CNTN4: variants seen among roughly 807,000 people sequenced by gnomAD.
The protein encoded by CNTN4 is contactin-4.
A neutral mutation model predicts 122.5 loss-of-function variants in CNTN4; 77 were observed. That is an observed-to-expected ratio of 0.63 (90% CI 0.52 to 0.76). The LOEUF is 0.76. Ranked by LOEUF, CNTN4 falls within the 30% of genes least tolerant of loss-of-function variation. The pLI is 0.00. For missense variants in CNTN4, 1,256 were observed against 1,259.1 expected (o/e 1.00, Z 0.04); for synonymous variants, 512 against 447.0 (o/e 1.15, Z -1.83).
At chr3:2,714,908 G>C (rs1003540171) in intron 4 of CNTN4, among the ~76,000 whole-genome samples, 2 of 152,068 alleles carry the variant, frequency 1.3e-5, no homozygotes, top group East Asian at 1.9e-4. Context: ...GGCCCAGTTC[G>C]AGAGTATTCA....
intron 14 of CNTN4, among the ~76,000 whole-genome samples, chr3:2,997,169 T>C (rs189526046): frequency 6.6e-6 from 1 of 152,202 alleles, no homozygotes; most frequent in Non-Finnish European, 1.5e-5. Flanking sequence ...TGGCTAATTG[T>C]GTAATAAATA....
chr3:2,494,728 T>C (rs2076409281), intron 3 of CNTN4, among the ~76,000 whole-genome samples: 1 of 152,174 alleles, frequency 6.6e-6, no homozygotes, highest in African/African-American at 2.4e-5. Context: ...TAAAATACTT[T>C]GATTTCTTTC....
chr3:2,403,766 T>A (rs966301685), intron 3 of CNTN4, among the ~76,000 whole-genome samples: 2 of 152,188 alleles, frequency 1.3e-5, no homozygotes, highest in African/African-American at 4.8e-5. Context: ...ATCAAAGATG[T>A]CAAACTTCAG....
intron 3 of CNTN4, among the ~76,000 whole-genome samples, chr3:2,471,805 A>C (rs781058814): frequency 5.9e-5 from 9 of 152,214 alleles, no homozygotes; most frequent in Non-Finnish European, 1.2e-4. Context: ...ACCTTGCCTG[A>C]ATCTTGTATT....
At chr3:2,209,531 G>C (rs979086702) in intron 2 of CNTN4, among the ~76,000 whole-genome samples, 2 of 151,884 alleles carry the variant, frequency 1.3e-5, no homozygotes, top group Admixed American at 1.3e-4. Flanking sequence ...TAACAAAAAA[G>C]GTCCCTGTTT....
intron 2 of CNTN4, among the ~76,000 whole-genome samples, chr3:2,134,073 T>C (rs1380048377): frequency 1.3e-5 from 2 of 152,168 alleles, no homozygotes; most frequent in Non-Finnish European, 2.9e-5. Flanking sequence ...TCTTCACTTA[T>C]TGGAAAAGAC....
chr3:2,919,419 G>A (rs948413139), intron 12 of CNTN4, among the ~76,000 whole-genome samples: 10 of 150,792 alleles, frequency 6.6e-5, no homozygotes, highest in African/African-American at 2.4e-4. Flanking sequence ...TTCTTCAATA[G>A]GTTCATTGAT....
chr3:2,335,363 A>G (rs1266858019), intron 2 of CNTN4, among the ~76,000 whole-genome samples: 1 of 152,096 alleles, frequency 6.6e-6, no homozygotes, highest in Non-Finnish European at 1.5e-5. Context: ...CAGTGTTCTC[A>G]TGGATTACCT....
At chr3:2,820,625 A>G (rs2092842057) in intron 7 of CNTN4, among the ~76,000 whole-genome samples, 1 of 152,082 alleles carries the variant, frequency 6.6e-6, no homozygotes, top group Admixed American at 6.5e-5. Context: ...CTGACAACCA[A>G]TCAAGGGGCC....
intron 4 of CNTN4, among the ~76,000 whole-genome samples, chr3:2,649,848 G>C (rs1842219): frequency 0.019 from 2,891 of 151,904 alleles, 88 homozygotes; most frequent in African/African-American, 0.066. Flanking sequence ...AAAATTTGTG[G>C]CTGGGCACGG....
Position 3,056,147 on chromosome 3 carries a change from C to G in CNTN4, c.3008C>G (p.Ser1003Cys). The G allele has an allele frequency of 6.2e-7, 1 of 1,614,092 alleles. No individual in the cohort carries two copies. The highest frequency in any genetic ancestry group is 8.5e-7 in the Non-Finnish European group (1 of 1,179,952). ...SNAYARGSGA[S>C]TSNACTLSAI... The stretch of plus-strand genomic sequence containing the variant: ...GCCTACGCGAGAGGATCTGGGGCTT[C>G]CACTTCGAATGCATGTACGCTGTCA... Residue 1003 changes from serine (S) to cysteine (C), a missense_variant, in exon 25 of 25, where the codon TCC becomes TGC. Coordinates refer to ENST00000418658, the MANE Select transcript of CNTN4 (RefSeq NM_175607.3).
chr3:3,019,789 TATATATATAC>T (rs1172405290), intron 14 of CNTN4, among the ~76,000 whole-genome samples: 3 of 97,446 alleles, frequency 3.1e-5, no homozygotes, highest in South Asian at 2.8e-4. Flanking sequence ...TATATATATA[TATATATATAC>T]ACATGCATAT....
At position 2,900,808 on chromosome 3, in the gene CNTN4, C is replaced by T; in HGVS notation, c.1064C>T (p.Pro355Leu). Residue 355 changes from proline to leucine, a missense_variant, in exon 11 of 25, where the codon CCT (proline) becomes CTT (leucine). Transcript: ENST00000418658. ...TACAAGTGGCTAAAAAATGGCGAAC[C>T]TCTGCTAACTCGGGTAAGCAAGTTA... is the stretch of plus-strand genomic sequence containing the variant. ...PTYKWLKNGE[P>L]LLTRDRIQIE... The T allele has an allele frequency of 6.2e-7, 1 of 1,613,888 alleles. No homozygotes were observed.
At chr3:2,260,006 A>G (rs1292430430) in intron 2 of CNTN4, among the ~76,000 whole-genome samples, 2 of 152,110 alleles carry the variant, frequency 1.3e-5, no homozygotes, top group Non-Finnish European at 2.9e-5. Context: ...CATGATTTTC[A>G]TAGGTCATTG....
chr3:3,055,866 GAAGTT>G (rs1455889509), intron 24 of CNTN4, among the ~76,000 whole-genome samples: 1 of 152,148 alleles, frequency 6.6e-6, no homozygotes, highest in Non-Finnish European at 1.5e-5. Context: ...TAGTAATATT[GAAGTT>G]TCTTCTCACA....
rs546603343 is a variant in CNTN4 at position 2,358,352 on chromosome 3, A to G, written c.-89+19119A>G. ...ATGAAATGACAGCATATTTAAAAGC[A>G]CTTAACCAGTGCTTGGCATAGGAAG... is the stretch of plus-strand genomic sequence containing the variant. On this transcript the variant is annotated intron_variant, in intron 3 of 24. Transcript: ENST00000418658. 9.2e-5 allele frequency among the ~76,000 whole-genome samples: 14 copies of G among 152,172 alleles called. No homozygotes were observed. In the South Asian group the frequency reaches 2.7e-3, roughly 29 times the overall value.
At chr3:2,540,672 C>T (rs990144786) in intron 3 of CNTN4, among the ~76,000 whole-genome samples, 37 of 152,114 alleles carry the variant, frequency 2.4e-4, no homozygotes, top group African/African-American at 8.9e-4. Context: ...ATTTCATAAA[C>T]ATAATCTTTA....
chr3:2,606,507 T>G (rs1274298146), intron 4 of CNTN4, among the ~76,000 whole-genome samples: 1 of 152,118 alleles, frequency 6.6e-6, no homozygotes, highest in Admixed American at 6.5e-5. Flanking sequence ...TAAAATAAAA[T>G]AACTCACAGT....
chr3:2,476,889 G>T (rs1004875898), intron 3 of CNTN4, among the ~76,000 whole-genome samples: 5 of 151,948 alleles, frequency 3.3e-5, no homozygotes, highest in Admixed American at 2.0e-4. Flanking sequence ...AGTCTTTATT[G>T]TTCATATAAC....
Sources: allele counts gnomAD v4.1 joint callset (sites outside exome capture counted in the v4.1 genomes callset), GRCh38; gene constraint gnomAD v4.1.1; transcripts MANE v1.5; gene names NCBI Gene and HGNC (gene_info 2026-07-23, HGNC 2026-07-21).